The following ITGA5 variants were observed in gnomAD, a reference collection of about 807,000 sequenced individuals.
The protein encoded by ITGA5 is integrin subunit alpha 5, also known as integrin alpha-5.
ITGA5 carries 55 observed loss-of-function variants against 146.3 expected under a neutral mutation model. That is an observed-to-expected ratio of 0.38 (90% confidence interval 0.30 to 0.47). The LOEUF (loss-of-function observed/expected upper bound fraction) is 0.47, where lower values mean the gene tolerates loss of function less well. Ranked by LOEUF, ITGA5 falls within the 20% of genes least tolerant of loss-of-function variation. The pLI, the probability that ITGA5 is intolerant of heterozygous loss-of-function variation, is 0.99. For missense variants in ITGA5, 1,131 were observed against 1,329.0 expected (o/e 0.85, Z 2.32); for synonymous variants, 500 against 531.8 (o/e 0.94, Z 0.82).
Position 54,404,884 on chromosome 12 carries a change from G to A in ITGA5, c.1236C>T (p.Ile412=). 7 of 1,578,822 alleles carry A rather than the reference G, an allele frequency of 4.4e-6. No individual in the cohort carries two copies. Among genetic ancestry groups the A allele is most frequent in the Admixed American group, 3.8e-5 (2 of 53,134 alleles). The stretch of plus-strand genomic sequence containing the variant: ...GGGTCTCCCCACCAAAGGGAGCCCC[G>A]ATGGCCACATCTGGAAGACACAGAA... The part of the protein sequence containing the change: ...LDQDGYNDVA[I]GAPFGGETQQ... The change falls in exon 13 of 30, where the codon ATC becomes ATT. Residue 412 remains isoleucine, a synonymous_variant. Transcript: ENST00000293379.
chr12:54,418,797 C>T (rs1956040823), intron 1 of ITGA5, among the ~76,000 whole-genome samples, 184 bp downstream of exon 1: 1 of 152,080 alleles, frequency 6.6e-6, no homozygotes, highest in Non-Finnish European at 1.5e-5. Flanking sequence ...CCTCCTCACC[C>T]GCCACGGTGC....
Position 54,401,449 on chromosome 12 carries a change from G to A in ITGA5, c.2417C>T (p.Pro806Leu). 6.2e-7 allele frequency: 1 copy of A among 1,614,070 alleles called. No individual in the cohort carries two copies. Residue 806 changes from proline to leucine, a missense_variant, in exon 24 of 30, where the codon CCA becomes CTA. This residue lies in a region of ITGA5 where 889 missense variants were observed against 1,021.5 expected (regional missense o/e 0.87). Transcript: ENST00000293379. The surrounding 1 kb of genome is among the most constrained non-coding windows in gnomAD (Gnocchi z 5.0). ...GTCTCGGGGATGCCAGTCGCTTACT[G>A]GGAATAGCACTGCCTCAGGCTTGGA... ...GVSKPEAVLFPVSDWHPRDQP... is the reference protein window; with the variant it reads ...GVSKPEAVLFLVSDWHPRDQP...
chr12:54,396,512 C>T, intron 29 of ITGA5, 136 bp from the exon 30 acceptor site: 4 of 685,734 alleles, frequency 5.8e-6, no homozygotes, highest in Non-Finnish European at 1.0e-5. Flanking sequence ...TGAATTCAGG[C>T]TAGGACTACC....
chr12:54,412,693 C>A (rs1011845189), intron 1 of ITGA5, among the ~76,000 whole-genome samples: 1 of 152,210 alleles, frequency 6.6e-6, no homozygotes, highest in African/African-American at 2.4e-5. Context: ...CAGTTCTGGA[C>A]ACAGTGCTTC....
chr12:54,418,373 A>G (rs1368755305), intron 1 of ITGA5, among the ~76,000 whole-genome samples: 1 of 151,770 alleles, frequency 6.6e-6, no homozygotes, highest in African/African-American at 2.4e-5. Context: ...TAGGAGACAG[A>G]GGAGAAAGGA....
chr12:54,405,327 G>A lies in ITGA5; in HGVS notation c.1064C>T (p.Pro355Leu), dbSNP rs761556901. The change falls in exon 12 of 30, where the codon CCT becomes CTT. Residue 355 changes from proline (P) to leucine (L), a missense_variant. This residue lies in a region of ITGA5 where 889 missense variants were observed against 1,021.5 expected (regional missense o/e 0.87). Coordinates refer to ENST00000293379, the MANE Select transcript of ITGA5 (RefSeq NM_002205.5). ...VGAPLLMDRT[P>L]DGRPQEVGRV... is the part of the protein sequence containing the mutation. ...GCCCACCTCCTGAGGCCGCCCGTCA[G>A]GGGTCCGATCCATGAGCAGGGGTGC... 1.2e-6 allele frequency: 2 copies of A among 1,612,542 alleles called. No homozygotes were observed. Among genetic ancestry groups the A allele is most frequent in the Non-Finnish European group, 1.7e-6 (2 of 1,179,800 alleles).
In ITGA5 at chr12:54,398,544, C is replaced by G. The variant is rs1592283174; in HGVS notation, c.2943+53G>C. 15 of 1,327,980 alleles carry G rather than the reference C, an allele frequency of 1.1e-5. No homozygotes were observed. In the East Asian group the frequency reaches 3.5e-4, roughly 31 times the overall value. 82.3% of individuals were successfully genotyped at this position (1,327,980 alleles called of 1,614,324 possible). ...CCCTCACCCAAGTCCCAGCCCTGTT[C>G]CAGCACTCTGAGCCCTGTATTCCCT... is the stretch of plus-strand genomic sequence containing the variant. On this transcript the variant is annotated intron_variant, in intron 28 of 29. Transcript: ENST00000293379.
At chr12:54,396,783 A>G (rs1011438161) in intron 29 of ITGA5, among the ~76,000 whole-genome samples, 17 of 152,162 alleles carry the variant, frequency 1.1e-4, no homozygotes, top group African/African-American at 4.1e-4. Flanking sequence ...TCCTGGGCTC[A>G]AGCGATCCTC....
At chr12:54,400,025 C>T in intron 25 of ITGA5, 78 bp from the exon 26 acceptor site, 2 of 963,894 alleles carry the variant, frequency 2.1e-6, no homozygotes, top group Non-Finnish European at 3.4e-6. Context: ...TCCAGAGCAG[C>T]TTCAACCTAT....
At chr12:54,418,414 C>T (rs1031495899) in intron 1 of ITGA5, among the ~76,000 whole-genome samples, 1 of 152,048 alleles carries the variant, frequency 6.6e-6, no homozygotes, top group Non-Finnish European at 1.5e-5. Context: ...TCGGGTCTTT[C>T]CCCGGTCTGA....
chr12:54,396,326 A>G lies in ITGA5; in HGVS notation c.3117T>C (p.Ala1039=). The part of the protein sequence containing the change: ...SLPYGTAMEK[A]QLKPPATSDA ...CAGAGGTGGCTGGAGGCTTGAGCTG[A>G]GCTTTTTCCATGGCGGTGCCATATG... Residue 1039 remains alanine, a synonymous_variant, in exon 30 of 30, where the codon GCT becomes GCC. Transcript: ENST00000293379. 1 of 1,614,124 alleles carries G rather than the reference A, an allele frequency of 6.2e-7. No individual in the cohort carries two copies. The highest frequency in any genetic ancestry group is 8.5e-7 in the Non-Finnish European group (1 of 1,179,992).
Position 54,402,230 on chromosome 12 carries a change from C to T in ITGA5, c.2083G>A (p.Val695Ile), listed in dbSNP as rs1268938928. The change falls in exon 20 of 30, where the codon GTC becomes ATC. Residue 695 changes from valine (V) to isoleucine (I), a missense_variant. By Grantham distance (29) the Val-to-Ile change is conservative (BLOSUM62 3). Coordinates refer to ENST00000293379, the MANE Select transcript of ITGA5 (RefSeq NM_002205.5). ...TACTCAGCCTCTGGAGGGGCGGTGACCCGAAGCTCAGCCTCATAGGCGCCA... is the reference window on the plus strand; with the variant it reads ...TACTCAGCCTCTGGAGGGGCGGTGATCCGAAGCTCAGCCTCATAGGCGCCA... ...EGGAYEAELR[V>I]TAPPEAEYSG... 8 of 1,614,092 alleles carry T rather than the reference C, an allele frequency of 5.0e-6. No individual in the cohort carries two copies. Among genetic ancestry groups the T allele is most frequent in the Non-Finnish European group, 6.8e-6 (8 of 1,179,990 alleles).
chr12:54,418,759 C>T (rs1956040063), intron 1 of ITGA5, among the ~76,000 whole-genome samples: 1 of 151,942 alleles, frequency 6.6e-6, no homozygotes, highest in South Asian at 2.1e-4. Context: ...GGACACATGT[C>T]TCCCCACTGA....
Position 54,408,197 on chromosome 12 carries a change from A to G in ITGA5, c.730T>C (p.Ser244Pro). The G allele has an allele frequency of 6.2e-7, 1 of 1,614,136 alleles. No homozygotes were observed. The highest frequency in any genetic ancestry group is 8.5e-7 in the Non-Finnish European group (1 of 1,180,030). The stretch of plus-strand genomic sequence containing the variant: ...TTGATCAGGTACTCGGGGTAATAAG[A>G]TTCTGCAATCTGCTCCTGAGTGGCA... The part of the protein sequence containing the change: ...LSATQEQIAE[S>P]YYPEYLINLV... Residue 244 changes from serine (S) to proline (P), a missense_variant, in exon 7 of 30, where the codon TCT becomes CCT. Around this residue, in one of 3 missense-constraint regions of ITGA5, gnomAD observed 889 missense variants for 1,021.5 expected, o/e 0.87. Transcript: ENST00000293379.
intron 19 of ITGA5, among the ~76,000 whole-genome samples, 184 bp from the exon 20 acceptor site, chr12:54,402,514 A>T (rs1358987555): frequency 6.7e-6 from 1 of 150,098 alleles, no homozygotes. Context: ...GGCCAAGATG[A>T]TGAAACCCTG....
Position 54,404,875 on chromosome 12 carries a change from G to T in ITGA5, c.1245C>A (p.Pro415=), listed in dbSNP as rs1464684213. 3.8e-6 allele frequency: 6 copies of T among 1,587,822 alleles called. No individual in the cohort carries two copies. The highest frequency in any genetic ancestry group is 4.3e-6 in the Non-Finnish European group (5 of 1,169,618). Residue 415 remains proline, a synonymous_variant, in exon 13 of 30, where the codon CCC becomes CCA. Coordinates refer to ENST00000293379, the MANE Select transcript of ITGA5 (RefSeq NM_002205.5). The part of the protein sequence containing the change: ...DGYNDVAIGA[P]FGGETQQGVV... ...CTCCCTGCTGGGTCTCCCCACCAAA[G>T]GGAGCCCCGATGGCCACATCTGGAA...
Position 54,405,279 on chromosome 12 carries a change from T to G in ITGA5, c.1112A>C (p.His371Pro), listed in dbSNP as rs758868135. ...EVGRVYVYLQHPAGIEPTPTL... is the reference protein window; with the variant it reads ...EVGRVYVYLQPPAGIEPTPTL... ...GGGCGTGGGCTCTATGCCGGCTGGG[T>G]GCTGCAGGTAGACGTAGACCCTGCC... The change falls in exon 12 of 30, where the codon CAC (histidine) becomes CCC (proline). Residue 371 changes from histidine (H) to proline (P), a missense_variant. His to Pro is a moderately conservative substitution (Grantham distance 77). Transcript: ENST00000293379. The G allele has an allele frequency of 1.2e-6, 2 of 1,613,704 alleles. No individual in the cohort carries two copies. The highest frequency in any genetic ancestry group is 2.7e-5 in the African/African-American group (2 of 74,882).
At chr12:54,398,253 G>A (rs1435401902) in intron 28 of ITGA5, among the ~76,000 whole-genome samples, 1 of 152,148 alleles carries the variant, frequency 6.6e-6, no homozygotes, top group South Asian at 2.1e-4. Context: ...GGCTAGCCTG[G>A]TTAGTTCCTA....
chr12:54,415,518 G>T (rs1447200861), intron 1 of ITGA5, among the ~76,000 whole-genome samples: 1 of 152,152 alleles, frequency 6.6e-6, no homozygotes, highest in Non-Finnish European at 1.5e-5. Context: ...ATGGGCTTAG[G>T]TCACTCATAA....
Sources: allele counts gnomAD v4.1 joint callset (sites outside exome capture counted in the v4.1 genomes callset), GRCh38; gene constraint gnomAD v4.1.1; regional missense constraint gnomAD v4.1.1; non-coding constraint Gnocchi (gnomAD v3.1); transcripts MANE v1.5; gene names NCBI Gene and HGNC (gene_info 2026-07-23, HGNC 2026-07-21).